The following DENND10 variants were observed in gnomAD, a reference collection of about 807,000 sequenced individuals.
DENND10 encodes DENN domain containing 10, also known as DENN domain-containing protein 10.
In DENND10, 24 loss-of-function variants were observed where a neutral mutation model predicts 43.6. The observed-to-expected ratio is 0.55, with a 90% CI of 0.40 to 0.77. DENND10 has a LOEUF of 0.77. DENND10 is among the 30% of genes least tolerant of loss of function. The pLI is 0.00. For missense variants in DENND10, 303 were observed against 429.9 expected (o/e 0.70, Z 2.61); for synonymous variants, 125 against 157.6 (o/e 0.79, Z 1.55).
chr10:119,109,662 G>A (rs926827840), intron 2 of DENND10, among the ~76,000 whole-genome samples: 3 of 150,872 alleles, frequency 2.0e-5, no homozygotes, highest in Non-Finnish European at 4.4e-5. Flanking sequence ...CTTGTTGCCC[G>A]GGCTGGATTG....
At position 119,128,595 on chromosome 10, in the gene DENND10, G is replaced by A. The variant is rs375305273; in HGVS notation, c.695-920G>A. ...TGCACTCTGGCCTGGGTGACAGAGC[G>A]AGACTGTCTCAAAAAAAAAAAACAA... On this transcript the variant is annotated intron_variant, in intron 6 of 8. Coordinates refer to ENST00000361432, the MANE Select transcript of DENND10 (RefSeq NM_207009.4). Among the ~76,000 whole-genome samples the A allele has an allele frequency of 5.8e-3, 767 of 132,766 alleles. 6 individuals carry two copies. Among genetic ancestry groups the A allele is most frequent in the African/African-American group, 0.021 (713 of 33,740 alleles). 87.1% of individuals were successfully genotyped at this position (132,766 alleles called of 152,430 possible). A position where few individuals can be genotyped will look rare whatever the true frequency, so the allele number is the denominator to read the frequency against.
At chr10:119,118,420 C>T (rs982766827) in intron 4 of DENND10, among the ~76,000 whole-genome samples, 2 of 152,176 alleles carry the variant, frequency 1.3e-5, no homozygotes, top group Non-Finnish European at 2.9e-5. Context: ...AATTTAAGTT[C>T]CAGCTGGAAA....
intron 2 of DENND10, among the ~76,000 whole-genome samples, chr10:119,110,160 A>G (rs1048503468): frequency 6.6e-6 from 1 of 151,850 alleles, no homozygotes; most frequent in African/African-American, 2.4e-5. Context: ...TTATTGCTCA[A>G]TAAGTTCTTT....
intron 3 of DENND10, among the ~76,000 whole-genome samples, chr10:119,114,804 C>G (rs1845166904): frequency 6.7e-6 from 1 of 149,850 alleles, no homozygotes; most frequent in Admixed American, 6.7e-5. Flanking sequence ...GAGTTTCACT[C>G]TGTCACCCAG....
chr10:119,125,509 T>C (rs1195247090), intron 6 of DENND10, among the ~76,000 whole-genome samples: 3 of 123,760 alleles, frequency 2.4e-5, no homozygotes, highest in African/African-American at 1.2e-4. Flanking sequence ...TTCTTTTTTT[T>C]TTTTTTTTTT....
At position 119,123,529 on chromosome 10, in the gene DENND10, C is replaced by T; in HGVS notation, c.654C>T (p.His218=). 3.7e-6 allele frequency: 6 copies of T among 1,613,640 alleles called. No individual in the cohort carries two copies. The highest frequency in any genetic ancestry group is 5.1e-6 in the Non-Finnish European group (6 of 1,179,920). The change falls in exon 6 of 9, where the codon CAC becomes CAT. Residue 218 remains histidine, a synonymous_variant. Transcript: ENST00000361432. The part of the protein sequence containing the change: ...QDWTILHSYV[H]LNADELEALQ... ...GGACCATCCTTCACTCTTACGTGCA[C>T]CTCAACGCCGATGAGCTGGAAGCCC...
chr10:119,127,105 AT>A (rs1231758085), intron 6 of DENND10, among the ~76,000 whole-genome samples: 1 of 150,132 alleles, frequency 6.7e-6, no homozygotes, highest in African/African-American at 2.5e-5. Flanking sequence ...AGGTTTCACC[AT>A]GTTGCCCTGG....
intron 3 of DENND10, among the ~76,000 whole-genome samples, chr10:119,112,774 C>T (rs751235472): frequency 2.6e-5 from 4 of 151,506 alleles, no homozygotes; most frequent in African/African-American, 4.8e-5. Flanking sequence ...GGATTATAGG[C>T]GTGATGAAAC....
chr10:119,124,325 A>T (rs1435139104), intron 6 of DENND10, among the ~76,000 whole-genome samples: 1 of 149,364 alleles, frequency 6.7e-6, no homozygotes, highest in Non-Finnish European at 1.5e-5. Flanking sequence ...CAGGAGTTTG[A>T]GACCACCCTG....
At chr10:119,128,871 T>C (rs1000201772) in intron 6 of DENND10, among the ~76,000 whole-genome samples, 1 of 152,118 alleles carries the variant, frequency 6.6e-6, no homozygotes, top group African/African-American at 2.4e-5. Context: ...AAGAGGATGG[T>C]GCTAAACCGC....
At chr10:119,112,896 C>G (rs1845045396) in intron 3 of DENND10, among the ~76,000 whole-genome samples, 1 of 151,782 alleles carries the variant, frequency 6.6e-6, no homozygotes, top group African/African-American at 2.4e-5. Context: ...GTTGCCCAAG[C>G]TGGAGTGCAG....
chr10:119,114,774 A>ATT (rs56026125), intron 3 of DENND10, among the ~76,000 whole-genome samples: 138 of 145,674 alleles, frequency 9.5e-4, no homozygotes, highest in Middle Eastern at 3.5e-3. Context: ...CTATTTTATA[A>ATT]TTTTTTTTTT....
intron 6 of DENND10, among the ~76,000 whole-genome samples, chr10:119,128,922 G>A (rs936892447): frequency 3.9e-5 from 6 of 152,058 alleles, no homozygotes; most frequent in Admixed American, 1.3e-4. Flanking sequence ...CCTCCGACCC[G>A]GCCCCACCTC....
In DENND10 at chr10:119,108,132, A is replaced by G. The variant is rs1160578051; in HGVS notation, c.220A>G (p.Ile74Val). 6 of 1,613,582 alleles carry G rather than the reference A, an allele frequency of 3.7e-6. No individual in the cohort carries two copies. In the African/African-American group the frequency reaches 6.7e-5, roughly 18 times the overall value. The change falls in exon 2 of 9, where the codon ATT becomes GTT. Residue 74 changes from isoleucine (I) to valine (V), a missense_variant. Ile to Val is a conservative substitution (Grantham distance 29). Transcript: ENST00000361432. ...YRRTWFYITTIEVPDSSILKK... is the reference protein window; with the variant it reads ...YRRTWFYITTVEVPDSSILKK... Reference sequence around the variant, plus strand: ...AAGAACATGGTTTTATATCACAACAATTGAAGTTCCAGATTCTTCCATTTT... The same window carrying G: ...AAGAACATGGTTTTATATCACAACAGTTGAAGTTCCAGATTCTTCCATTTT...
intron 7 of DENND10, among the ~76,000 whole-genome samples, chr10:119,130,375 G>A (rs1228785317): frequency 1.3e-5 from 2 of 152,104 alleles, no homozygotes; most frequent in South Asian, 2.1e-4. Flanking sequence ...TGGTCAGCTG[G>A]TCTTGAACTC....
chr10:119,105,432 G>C, intron 1 of DENND10: 2 of 612,276 alleles, frequency 3.3e-6, no homozygotes, highest in Non-Finnish European at 4.6e-6. Context: ...GACCTCAGGC[G>C]TGCACCACCA....
Position 119,136,877 on chromosome 10 carries a change from A to G in DENND10, c.*230A>G, listed in dbSNP as rs909008943. The G allele has an allele frequency of 3.6e-5, 15 of 418,950 alleles. No homozygotes were observed. The highest frequency in any genetic ancestry group is 1.0e-4 in the South Asian group (3 of 28,930). The allele number at this position is 418,950 out of a possible 1,614,324, so 26.0% of individuals were successfully genotyped here. A position where few individuals can be genotyped will look rare whatever the true frequency, so the allele number is the denominator to read the frequency against. On this transcript the variant is annotated 3_prime_UTR_variant, in exon 9 of 9. Coordinates refer to ENST00000361432, the MANE Select transcript of DENND10 (RefSeq NM_207009.4). Reference sequence around the variant, plus strand: ...TGCTGTCAGTGCTGGACGAAGTGCTATAACTACTTTATGTAACATTACAGA... The same window carrying G: ...TGCTGTCAGTGCTGGACGAAGTGCTGTAACTACTTTATGTAACATTACAGA...
Position 119,120,350 on chromosome 10 carries a change from C to T in DENND10, c.491C>T (p.Ser164Phe), listed in dbSNP as rs1845509126. 3 of 1,593,260 alleles carry T rather than the reference C, an allele frequency of 1.9e-6. No individual in the cohort carries two copies. Among genetic ancestry groups the T allele is most frequent in the Non-Finnish European group, 2.6e-6 (3 of 1,161,238 alleles). ...YLAGSIKDIVSQFGMETVILH... is the reference protein window; with the variant it reads ...YLAGSIKDIVFQFGMETVILH... ...TTTCTCTTTTTTGAAGACATTGTAT[C>T]TCAGTTTGGAATGGAAACTGTTATC... The change falls in exon 5 of 9, where the codon TCT (serine) becomes TTT (phenylalanine). Residue 164 changes from serine (S) to phenylalanine (F), a missense_variant. Physicochemically the swap from Ser to Phe is radical, Grantham distance 155 (BLOSUM62 -2). Coordinates refer to ENST00000361432, the MANE Select transcript of DENND10 (RefSeq NM_207009.4).
chr10:119,123,324 C>T (rs1213175327), intron 5 of DENND10, 145 bp from the exon 6 acceptor site: 3 of 597,014 alleles, frequency 5.0e-6, no homozygotes, highest in Non-Finnish European at 9.0e-6. Flanking sequence ...GAGGTTAGCA[C>T]ATTTGGGGCT....
Sources: gnomAD v4.1 joint callset for allele counts (sites outside exome capture counted in the v4.1 genomes callset) on GRCh38, gnomAD v4.1.1 for gene constraint, MANE v1.5 for transcripts, NCBI Gene and HGNC (gene_info 2026-07-23, HGNC 2026-07-21) for gene names.